Variants in CADM2 observed in about 807,000 individuals in gnomAD.
CADM2 encodes cell adhesion molecule 2.
Under a neutral mutation model 49.8 loss-of-function variants are expected in CADM2, and 12 were observed. The observed-to-expected ratio is 0.24, with a 90% CI of 0.15 to 0.39. The LOEUF (loss-of-function observed/expected upper bound fraction) is 0.39, where lower values mean the gene tolerates loss of function less well. CADM2 is among the 10% of genes least tolerant of loss of function. CADM2 has a pLI of 1.00. For synonymous variants in CADM2, 214 were observed against 175.4 expected (o/e 1.22, Z -1.74); for missense variants, 378 against 492.3 (o/e 0.77, Z 2.20).
intron 1 of CADM2, among the ~76,000 whole-genome samples, chr3:85,348,699 C>T (rs1418250938): frequency 1.3e-5 from 2 of 152,140 alleles, no homozygotes; most frequent in Non-Finnish European, 1.5e-5. Flanking sequence ...TATATCCTAA[C>T]AAACTCACTT....
intron 1 of CADM2, among the ~76,000 whole-genome samples, chr3:85,614,213 A>ATT (rs1386481205): frequency 6.6e-6 from 1 of 151,162 alleles, no homozygotes; most frequent in South Asian, 2.1e-4. Context: ...TGATGATTCA[A>ATT]TTTTTTAATA....
At chr3:85,911,919 T>C (rs1051797224) in intron 5 of CADM2, among the ~76,000 whole-genome samples, 4 of 147,896 alleles carry the variant, frequency 2.7e-5, no homozygotes, top group African/African-American at 9.8e-5. Context: ...TAGAATTTTT[T>C]AATTTTTTTT....
chr3:85,635,779 G>A (rs1226964971), intron 1 of CADM2, among the ~76,000 whole-genome samples: 3 of 152,048 alleles, frequency 2.0e-5, no homozygotes. Flanking sequence ...AAAAAACTCT[G>A]AGTTAAAAAT....
intron 1 of CADM2, among the ~76,000 whole-genome samples, chr3:85,406,608 A>T (rs531589474): frequency 6.6e-6 from 1 of 152,184 alleles, no homozygotes; most frequent in East Asian, 1.9e-4. Context: ...CTAAGATTCA[A>T]CTCAGGATCT....
intron 1 of CADM2, among the ~76,000 whole-genome samples, chr3:85,106,228 T>A (rs1233508972): frequency 6.6e-6 from 1 of 152,114 alleles, no homozygotes. Context: ...ATTATGAAGG[T>A]TGCATTGATA....
chr3:85,044,372 G>A (rs1460073763), intron 1 of CADM2, among the ~76,000 whole-genome samples: 1 of 152,086 alleles, frequency 6.6e-6, no homozygotes, highest in Non-Finnish European at 1.5e-5. Flanking sequence ...CCTCAAAGCA[G>A]TTTGGCTTTT....
chr3:85,377,892 T>C (rs2033685743), intron 1 of CADM2, among the ~76,000 whole-genome samples: 1 of 152,016 alleles, frequency 6.6e-6, no homozygotes, highest in Non-Finnish European at 1.5e-5. Flanking sequence ...AAATTCGATG[T>C]CAGATTTATT....
At chr3:85,406,104 G>A (rs1437676138) in intron 1 of CADM2, among the ~76,000 whole-genome samples, 2 of 151,698 alleles carry the variant, frequency 1.3e-5, no homozygotes, top group African/African-American at 4.8e-5. Flanking sequence ...AAAATATTTG[G>A]TTTTAGAGAC....
chr3:85,337,344 G>A (rs761707150), intron 1 of CADM2, among the ~76,000 whole-genome samples: 30 of 151,128 alleles, frequency 2.0e-4, no homozygotes, highest in East Asian at 9.7e-4. Flanking sequence ...ATACTTTCTC[G>A]TATTTCTCTA....
intron 1 of CADM2, among the ~76,000 whole-genome samples, chr3:85,513,102 T>C (rs952946200): frequency 5.3e-5 from 8 of 152,060 alleles, no homozygotes; most frequent in Admixed American, 2.0e-4. Flanking sequence ...AGAAGATTGC[T>C]TATAATTATT....
intron 1 of CADM2, among the ~76,000 whole-genome samples, chr3:85,387,755 G>T (rs977835382): frequency 1.3e-5 from 2 of 152,032 alleles, no homozygotes; most frequent in Non-Finnish European, 2.9e-5. Flanking sequence ...ATAATTTAAT[G>T]TGTGATCATT....
chr3:85,365,366 A>C (rs1050368367), intron 1 of CADM2, among the ~76,000 whole-genome samples: 3 of 152,124 alleles, frequency 2.0e-5, no homozygotes, highest in African/African-American at 7.2e-5. Context: ...ATTTTCAACA[A>C]ACGTACTTGA....
rs76062785 is a variant in CADM2 at position 85,777,366 on chromosome 3, T to G, written c.89-24681T>G. On this transcript the variant is annotated intron_variant, in intron 2 of 9. Coordinates refer to ENST00000383699, the MANE Select transcript of CADM2 (RefSeq NM_001167675.2). ...CGCCTCCCGGGTTCAAGCAATTCTC[T>G]TGCCTCAGCCTCTGGAGTAGCTGGA... 8.3e-4 allele frequency among the ~76,000 whole-genome samples: 126 copies of G among 151,968 alleles called. 1 individual carries two copies. The East Asian group carries it at 0.02, about 24-fold the overall frequency.
intron 8 of CADM2, among the ~76,000 whole-genome samples, chr3:86,055,116 C>G (rs189559249): frequency 1.7e-3 from 261 of 152,138 alleles, no homozygotes; most frequent in African/African-American, 6.0e-3. Flanking sequence ...AAAAGCAACC[C>G]CAAACTAGAA....
chr3:86,042,812 T>A (rs1251217876), intron 8 of CADM2, among the ~76,000 whole-genome samples: 2 of 152,106 alleles, frequency 1.3e-5, no homozygotes, highest in African/African-American at 2.4e-5. Flanking sequence ...CTGATAACCA[T>A]CAATGCAAAA....
intron 7 of CADM2, among the ~76,000 whole-genome samples, chr3:85,941,876 T>C (rs1297223399): frequency 6.6e-6 from 1 of 152,030 alleles, no homozygotes; most frequent in Non-Finnish European, 1.5e-5. Flanking sequence ...TTTGGCATAG[T>C]TTTTCATAAT....
intron 1 of CADM2, among the ~76,000 whole-genome samples, chr3:85,138,898 AG>A (rs2039497009): frequency 6.6e-6 from 1 of 152,212 alleles, no homozygotes; most frequent in Non-Finnish European, 1.5e-5. Flanking sequence ...ATGATTCTAA[AG>A]GCCAGCTAGG....
At chr3:85,139,278 TC>T (rs542551415) in intron 1 of CADM2, among the ~76,000 whole-genome samples, 138 of 152,342 alleles carry the variant, frequency 9.1e-4, no homozygotes, top group Middle Eastern at 3.4e-3. Context: ...TCTGTTTTTT[TC>T]AAGTGAGCCA....
intron 2 of CADM2, among the ~76,000 whole-genome samples, chr3:85,765,988 G>A (rs1226552061): frequency 6.6e-6 from 1 of 152,058 alleles, no homozygotes; most frequent in African/African-American, 2.4e-5. Context: ...GGAGGAAAAT[G>A]TGCATATTTC....
Sources: gnomAD v4.1 joint callset for allele counts (sites outside exome capture counted in the v4.1 genomes callset) on GRCh38, gnomAD v4.1.1 for gene constraint, MANE v1.5 for transcripts, NCBI Gene and HGNC (gene_info 2026-07-23, HGNC 2026-07-21) for gene names.